Variants in REV1 observed in about 807,000 individuals in gnomAD.
The protein encoded by REV1 is REV1 DNA directed polymerase, also known as translesion synthesis protein REV1.
In REV1, 42 loss-of-function variants were observed where a neutral mutation model predicts 137.4. The observed-to-expected ratio is 0.31, with a 90% CI of 0.24 to 0.40. The LOEUF is 0.40. REV1 is among the 10% of genes least tolerant of loss of function. The probability of loss-of-function intolerance (pLI) is 1.00; values close to 1 mark genes in which losing one functional copy is unlikely to be tolerated. For missense variants in REV1, 1,282 were observed against 1,490.1 expected, an observed-to-expected ratio of 0.86 and a Z score of 2.30; for synonymous variants, 524 against 519.2, an observed-to-expected ratio of 1.01 and a Z score of -0.12.
Position 99,465,545 on chromosome 2 carries a change from C to A in REV1, c.-10-560G>T, listed in dbSNP as rs557948372. Among the ~76,000 whole-genome samples, 20 of 152,298 alleles carry A rather than the reference C, an allele frequency of 1.3e-4. No homozygotes were observed. The South Asian group carries it at 3.9e-3, about 30-fold the overall frequency. The stretch of plus-strand genomic sequence containing the variant: ...AGTAAATCTGTCATTCTCCTTAAGG[C>A]AACACTTACTTAACTAACTATACTA... On this transcript the variant is annotated intron_variant, in intron 1 of 22. Transcript: ENST00000258428.
Position 99,401,364 on chromosome 2 carries a change from G to A in REV1, c.3645-12C>T. ...ATTGCTGCATCAGCCTAAAGGTGGG[G>A]AGAGAAGAAATGTCATTAGGAATTA... On this transcript the variant is annotated splice_polypyrimidine_tract_variant and intron_variant, in intron 22 of 22. Transcript: ENST00000258428. The A allele has an allele frequency of 6.4e-7, 1 of 1,570,098 alleles. No individual in the cohort carries two copies. Among genetic ancestry groups the A allele is most frequent in the Non-Finnish European group, 8.8e-7 (1 of 1,141,226 alleles).
intron 4 of REV1, among the ~76,000 whole-genome samples, chr2:99,449,019 T>C: frequency 6.6e-6 from 1 of 152,098 alleles, no homozygotes. Flanking sequence ...CCATGCGCAG[T>C]GGTTGTAGTC....
chr2:99,442,263 A>C, intron 5 of REV1, 54 bp downstream of exon 5: 5 of 1,347,536 alleles, frequency 3.7e-6, no homozygotes, highest in East Asian at 5.2e-5. Flanking sequence ...AAAAAAAAAA[A>C]AAAAAAAAAA....
intron 1 of REV1, 94 bp downstream of exon 1, chr2:99,489,723 C>G (rs1687503625): frequency 6.9e-6 from 1 of 145,096 alleles, no homozygotes; most frequent in African/African-American, 2.6e-5. Context: ...CGACCGCGCT[C>G]TGGCCGCTGC....
intron 1 of REV1, among the ~76,000 whole-genome samples, chr2:99,485,977 T>G (rs1403326500): frequency 6.6e-6 from 1 of 152,090 alleles, no homozygotes; most frequent in Non-Finnish European, 1.5e-5. Context: ...ATTAAAAGAC[T>G]AGCCAGGCAT....
At chr2:99,480,841 T>C (rs1255848234) in intron 1 of REV1, among the ~76,000 whole-genome samples, 1 of 152,196 alleles carries the variant, frequency 6.6e-6, no homozygotes, top group African/African-American at 2.4e-5. Context: ...CAAGAATATA[T>C]TTAAAATTAT....
chr2:99,407,172 T>C (rs538460669), intron 15 of REV1, among the ~76,000 whole-genome samples: 1 of 133,594 alleles, frequency 7.5e-6, no homozygotes, highest in African/African-American at 2.8e-5. Flanking sequence ...TCATGCAAGC[T>C]CTGCCTCTTG....
Position 99,406,122 on chromosome 2 carries a change from A to G in REV1, c.2615-16T>C, listed in dbSNP as rs1676261184. ...GCCCGAAATACTACAAAAAGAAAAT[A>G]TATAAAATAGCCTCTTCAGATCATC... On this transcript the variant is annotated splice_polypyrimidine_tract_variant and intron_variant, in intron 16 of 22. Transcript: ENST00000258428. 1 of 1,597,424 alleles carries G rather than the reference A, an allele frequency of 6.3e-7. No individual in the cohort carries two copies. The highest frequency in any genetic ancestry group is 1.1e-5 in the South Asian group (1 of 88,898).
Position 99,438,940 on chromosome 2 carries a change from G to T in REV1, c.874C>A (p.Pro292Thr). The T allele has an allele frequency of 6.2e-7, 1 of 1,614,168 alleles. No homozygotes were observed. Among genetic ancestry groups the T allele is most frequent in the Non-Finnish European group, 8.5e-7 (1 of 1,180,024 alleles). ...STRNTDALRN[P>T]HRTNSFSLSP... is the part of the protein sequence containing the mutation. ...AATGAGAAAGAATTAGTTCTGTGTG[G>T]ATTCCGCAAAGCATCTGTGTTTCTG... The change falls in exon 6 of 23, where the codon CCA becomes ACA. Residue 292 changes from proline to threonine, a missense_variant. Physicochemically the swap from Pro to Thr is conservative, Grantham distance 38 (BLOSUM62 -1). Coordinates refer to ENST00000258428, the MANE Select transcript of REV1 (RefSeq NM_016316.4).
chr2:99,480,266 T>C (rs931035721), intron 1 of REV1, among the ~76,000 whole-genome samples: 1 of 152,162 alleles, frequency 6.6e-6, no homozygotes, highest in African/African-American at 2.4e-5. Flanking sequence ...AAGACTGTAG[T>C]GAGCCATCAT....
intron 10 of REV1, among the ~76,000 whole-genome samples, chr2:99,423,251 T>C (rs1279657591): frequency 6.6e-6 from 1 of 152,210 alleles, no homozygotes; most frequent in Non-Finnish European, 1.5e-5. Context: ...CAGATACTGG[T>C]GTTCAAATTA....
At chr2:99,453,658 G>A (rs1256206407) in intron 3 of REV1, among the ~76,000 whole-genome samples, 1 of 151,854 alleles carries the variant, frequency 6.6e-6, no homozygotes. Context: ...ACTGTGGGAG[G>A]CCAAGGCAGG....
chr2:99,450,019 AATTTTT>A (rs557588203), intron 3 of REV1, among the ~76,000 whole-genome samples: 190 of 152,272 alleles, frequency 1.2e-3, no homozygotes, highest in African/African-American at 4.5e-3. Flanking sequence ...AAAGCTTTAT[AATTTTT>A]ATTTTTATTT....
chr2:99,470,777 C>T (rs1685325987), intron 1 of REV1, among the ~76,000 whole-genome samples: 1 of 152,166 alleles, frequency 6.6e-6, no homozygotes, highest in South Asian at 2.1e-4. Flanking sequence ...GGCATAGCAG[C>T]AGGGTGGACG....
At chr2:99,435,730 C>CTT in intron 7 of REV1, 104 bp downstream of exon 7, 1 of 605,940 alleles carries the variant, frequency 1.7e-6, no homozygotes. Context: ...AACCGATTTT[C>CTT]CCAAGGAAAA....
Position 99,434,318 on chromosome 2 carries a change from G to C in REV1, c.1438+14C>G, listed in dbSNP as rs1432444988. On this transcript the variant is annotated intron_variant, in intron 8 of 22. Coordinates refer to ENST00000258428, the MANE Select transcript of REV1 (RefSeq NM_016316.4). ...CACAGGAGCACTAAGACTTCAAAGA[G>C]AGCTCATTTGTACCTGCTTTGCCTT... The C allele has an allele frequency of 1.3e-6, 2 of 1,552,252 alleles. No individual in the cohort carries two copies. The highest frequency in any genetic ancestry group is 1.8e-6 in the Non-Finnish European group (2 of 1,138,820).
At chr2:99,481,310 AT>A (rs1476137852) in intron 1 of REV1, among the ~76,000 whole-genome samples, 1 of 152,240 alleles carries the variant, frequency 6.6e-6, no homozygotes, top group Admixed American at 6.5e-5. Context: ...TATACAGTTT[AT>A]AACCCAAGCT....
chr2:99,416,061 A>G (rs1386108040), intron 12 of REV1, among the ~76,000 whole-genome samples: 1 of 152,260 alleles, frequency 6.6e-6, no homozygotes, highest in Non-Finnish European at 1.5e-5. Flanking sequence ...CTAATTGTTT[A>G]TTACTGTGCG....
Position 99,400,482 on chromosome 2 carries a change from T to TTAAAC in REV1, c.*754_*758dup, listed in dbSNP as rs753389247. ...TCCAAATATCCACTAGCATAGAATTTTAAACTATTTTTATTTTAAAGTTAT... is the reference window on the plus strand; with the variant it reads ...TCCAAATATCCACTAGCATAGAATTTTAAACTAAACTATTTTTATTTTAAAGTTAT... On this transcript the variant is annotated 3_prime_UTR_variant, in exon 23 of 23. Transcript: ENST00000258428. 7 of 152,346 alleles carry TTAAAC rather than the reference T, an allele frequency of 4.6e-5. No individual in the cohort carries two copies. Among genetic ancestry groups the TTAAAC allele is most frequent in the South Asian group, 4.1e-4 (2 of 4,832 alleles). 9.4% of individuals were successfully genotyped at this position (152,346 alleles called of 1,614,324 possible).
Sources: gnomAD v4.1 joint callset for allele counts (sites outside exome capture counted in the v4.1 genomes callset) on GRCh38, gnomAD v4.1.1 for gene constraint, MANE v1.5 for transcripts, NCBI Gene and HGNC (gene_info 2026-07-23, HGNC 2026-07-21) for gene names.